THSD4: variants seen among roughly 807,000 people sequenced by gnomAD.
THSD4 encodes the protein thrombospondin type-1 domain-containing protein 4.
In THSD4, 69 loss-of-function variants were observed where a neutral mutation model predicts 119.0. That is an observed-to-expected ratio of 0.58 (90% confidence interval 0.48 to 0.71). The LOEUF is 0.71. Among genes scored for constraint, THSD4 ranks in the 30% least tolerant of loss-of-function variants. The pLI is 0.00. For missense variants in THSD4, 1,393 were observed against 1,391.1 expected, an observed-to-expected ratio of 1.00 and a Z score of -0.02; for synonymous variants, 524 against 540.4, an observed-to-expected ratio of 0.97 and a Z score of 0.42.
chr15:71,319,214 C>A (rs1395371610), intron 6 of THSD4, among the ~76,000 whole-genome samples: 1 of 152,098 alleles, frequency 6.6e-6, no homozygotes, highest in South Asian at 2.1e-4. Context: ...ATGGGGAACA[C>A]CACAATGTTG....
intron 8 of THSD4, among the ~76,000 whole-genome samples, chr15:71,705,787 C>T (rs1199170581): frequency 6.6e-6 from 1 of 152,212 alleles, no homozygotes; most frequent in East Asian, 1.9e-4. Flanking sequence ...AAGCGCAAGA[C>T]ATGAACTCTT....
At chr15:71,454,496 G>A (rs2047310029) in intron 7 of THSD4, among the ~76,000 whole-genome samples, 1 of 152,202 alleles carries the variant, frequency 6.6e-6, no homozygotes, top group Admixed American at 6.5e-5. Context: ...GGGCTCCAGG[G>A]CCAAGGAGCC....
chr15:71,315,762 C>A (rs2045178662), intron 6 of THSD4, among the ~76,000 whole-genome samples: 1 of 152,154 alleles, frequency 6.6e-6, no homozygotes, highest in Non-Finnish European at 1.5e-5. Flanking sequence ...TTGTATCTGT[C>A]CTTGCTGTGA....
rs767807136 is a variant in THSD4 at position 71,748,520 on chromosome 15, C to T, written c.2341C>T (p.Arg781Trp). ...VDDEECNMKL[R>W]PNDIENCDMG... is the part of the protein sequence containing the mutation. ...CGATGAGGAATGCAACATGAAGCTC[C>T]GGCCGAATGACATTGAGAACTGCGA... The change falls in exon 14 of 18, where the codon CGG (arginine) becomes TGG (tryptophan). Residue 781 changes from arginine (R) to tryptophan (W), a missense_variant. By Grantham distance (101) the Arg-to-Trp change is moderately radical (BLOSUM62 -3). Transcript: ENST00000261862. The T allele has an allele frequency of 2.5e-5, 40 of 1,614,042 alleles. No individual in the cohort carries two copies. The Middle Eastern group carries it at 4.9e-4, about 20-fold the overall frequency.
In THSD4 at chr15:71,676,242, C is replaced by T. The variant is rs575581726; in HGVS notation, c.1357+15508C>T. On this transcript the variant is annotated intron_variant, in intron 8 of 17. Coordinates refer to ENST00000261862, the MANE Select transcript of THSD4 (RefSeq NM_024817.3). ...TTTTAATGATGTTAAGTGTATAATT[C>T]AGTGGCATTAAGTACATTCACTGCT... 7.0e-4 allele frequency among the ~76,000 whole-genome samples: 106 copies of T among 152,084 alleles called. 1 individual carries two copies. The highest frequency in any genetic ancestry group is 2.4e-3 in the African/African-American group (101 of 41,480).
At chr15:71,238,867 G>A (rs566640292) in intron 4 of THSD4, among the ~76,000 whole-genome samples, 7 of 152,218 alleles carry the variant, frequency 4.6e-5, no homozygotes, top group African/African-American at 1.4e-4. Context: ...GAGGAGCTCC[G>A]AGATAGTTTT....
intron 6 of THSD4, among the ~76,000 whole-genome samples, chr15:71,329,779 A>G (rs2045398202): frequency 6.6e-6 from 1 of 152,196 alleles, no homozygotes; most frequent in Non-Finnish European, 1.5e-5. Context: ...TAACTCAGGC[A>G]GTGTTCCATT....
chr15:71,605,737 G>A (rs2050097623), intron 7 of THSD4, among the ~76,000 whole-genome samples: 1 of 152,242 alleles, frequency 6.6e-6, no homozygotes, highest in Admixed American at 6.5e-5. Context: ...GAGCCAGTGA[G>A]TGTAAAAGTC....
chr15:71,209,156 T>C (rs1273020027), intron 3 of THSD4, among the ~76,000 whole-genome samples: 2 of 152,316 alleles, frequency 1.3e-5, no homozygotes, highest in East Asian at 3.9e-4. Flanking sequence ...TCTTACACAT[T>C]ATAAAGCTTC....
chr15:71,515,926 G>T (rs1468680090), intron 7 of THSD4, among the ~76,000 whole-genome samples: 1 of 152,144 alleles, frequency 6.6e-6, no homozygotes, highest in Non-Finnish European at 1.5e-5. Context: ...TGACCTGGGG[G>T]TTGCTCCCCT....
At chr15:71,565,296 T>TG in intron 7 of THSD4, among the ~76,000 whole-genome samples, 1 of 152,104 alleles carries the variant, frequency 6.6e-6, no homozygotes, top group East Asian at 1.9e-4. Context: ...TGCAGGAAAA[T>TG]GGACACTTAG....
intron 6 of THSD4, among the ~76,000 whole-genome samples, chr15:71,361,917 A>T (rs1349330340): frequency 1.3e-5 from 2 of 152,248 alleles, no homozygotes; most frequent in Admixed American, 1.3e-4. Flanking sequence ...ATAAATATAC[A>T]TACATATTTG....
At chr15:71,738,374 C>T (rs548230057) in intron 11 of THSD4, among the ~76,000 whole-genome samples, 9 of 152,218 alleles carry the variant, frequency 5.9e-5, no homozygotes, top group Admixed American at 2.0e-4. Flanking sequence ...ATTGGGGGCC[C>T]CTGGCCCAAG....
chr15:71,317,403 G>A (rs2045203190), intron 6 of THSD4, among the ~76,000 whole-genome samples: 1 of 152,234 alleles, frequency 6.6e-6, no homozygotes, highest in African/African-American at 2.4e-5. Flanking sequence ...AGTAATGGCA[G>A]AAGGTGATGG....
chr15:71,765,465 T>C (rs1249339766), intron 16 of THSD4, among the ~76,000 whole-genome samples: 1 of 152,242 alleles, frequency 6.6e-6, no homozygotes, highest in Non-Finnish European at 1.5e-5. Flanking sequence ...GGATCTTGTT[T>C]GACAAGACCA....
In THSD4 at chr15:71,783,265, G is replaced by T. The variant is rs183959410; in HGVS notation, c.*5891G>T. On this transcript the variant is annotated 3_prime_UTR_variant, in exon 18 of 18. Transcript: ENST00000261862. ...TATTATTGTAAAGATACAATAAACC[G>T]GTTGAAATATCTGCTTTGTTGACAA... 6.6e-6 allele frequency: 1 copy of T among 152,158 alleles called. No homozygotes were observed. The highest frequency in any genetic ancestry group is 6.5e-5 in the Admixed American group (1 of 15,284). The allele number at this position is 152,158 out of a possible 1,614,324, so 9.4% of individuals were successfully genotyped here. A position where few individuals can be genotyped will look rare whatever the true frequency, so the allele number is the denominator to read the frequency against.
chr15:71,387,206 T>TAAA (rs58060322), intron 6 of THSD4, among the ~76,000 whole-genome samples: 2 of 147,068 alleles, frequency 1.4e-5, no homozygotes, highest in East Asian at 2.0e-4. Flanking sequence ...TCATTAACGT[T>TAAA]AAAAAAAAAA....
At chr15:71,484,596 C>G (rs1220366371) in intron 7 of THSD4, among the ~76,000 whole-genome samples, 2 of 152,130 alleles carry the variant, frequency 1.3e-5, no homozygotes, top group Non-Finnish European at 1.5e-5. Flanking sequence ...CTCATACAGC[C>G]CTCTTTAAAA....
intron 6 of THSD4, among the ~76,000 whole-genome samples, chr15:71,269,247 C>T (rs2044501152): frequency 6.6e-6 from 1 of 152,160 alleles, no homozygotes; most frequent in South Asian, 2.1e-4. Context: ...AAAGCTTATC[C>T]ATCACAATCA....
Sources: allele counts gnomAD v4.1 joint callset (sites outside exome capture counted in the v4.1 genomes callset), GRCh38; gene constraint gnomAD v4.1.1; transcripts MANE v1.5; gene names NCBI Gene and HGNC (gene_info 2026-07-23, HGNC 2026-07-21).